Variants in KIAA0232 observed in about 807,000 individuals in gnomAD.
The protein encoded by KIAA0232 is uncharacterized protein KIAA0232.
KIAA0232 carries 27 observed loss-of-function variants against 122.0 expected under a neutral mutation model. The observed-to-expected ratio is 0.22, with a 90% CI of 0.16 to 0.31. The LOEUF (loss-of-function observed/expected upper bound fraction) is 0.31. KIAA0232 is among the 10% of genes least tolerant of loss of function. The pLI, the probability that KIAA0232 is intolerant of heterozygous loss-of-function variation, is 1.00. For synonymous variants in KIAA0232, 613 were observed against 587.6 expected (o/e 1.04, Z -0.63); for missense variants, 1,551 against 1,634.2 (o/e 0.95, Z 0.88).
intron 2 of KIAA0232, among the ~76,000 whole-genome samples, chr4:6,812,500 T>A (rs1717923618): frequency 1.3e-5 from 2 of 152,158 alleles, no homozygotes; most frequent in Non-Finnish European, 2.9e-5. Context: ...AAATAATAAA[T>A]TTAAAGTCCT....
chr4:6,856,787 C>T (rs1026270575), intron 4 of KIAA0232, among the ~76,000 whole-genome samples: 1 of 152,016 alleles, frequency 6.6e-6, no homozygotes, highest in African/African-American at 2.4e-5. Context: ...TAAGATCTCG[C>T]TCACATAAAT....
rs766271910 is a variant in KIAA0232, at chr4:6,862,167, A to G, written c.1785A>G (p.Ser595=). Residue 595 remains serine (S), a synonymous_variant, in exon 7 of 10, where the codon TCA becomes TCG. Transcript: ENST00000307659. ...GNLAQFWECC[S]SSSGDADGES... ...TGGCTCAGTTTTGGGAGTGCTGTTCATCCAGCTCCGGTGATGCTGATGGGG... is the reference window on the plus strand; with the variant it reads ...TGGCTCAGTTTTGGGAGTGCTGTTCGTCCAGCTCCGGTGATGCTGATGGGG... 3.0e-5 allele frequency: 48 copies of G among 1,614,062 alleles called. No individual in the cohort carries two copies. Among genetic ancestry groups the G allele is most frequent in the Admixed American group, 1.7e-5 (1 of 59,998 alleles).
intron 1 of KIAA0232, among the ~76,000 whole-genome samples, chr4:6,793,037 C>T (rs562785720): frequency 2.0e-5 from 3 of 152,176 alleles, no homozygotes; most frequent in South Asian, 2.1e-4. Context: ...TGCACTGGGT[C>T]CCACAAATTA....
chr4:6,866,819 T>G (rs781237169), intron 7 of KIAA0232, among the ~76,000 whole-genome samples: 10 of 152,238 alleles, frequency 6.6e-5, no homozygotes, highest in Non-Finnish European at 1.2e-4. Context: ...AATAAGACTT[T>G]GTCCTTGCCC....
chr4:6,849,760 C>T (rs901865810), intron 4 of KIAA0232, among the ~76,000 whole-genome samples: 8 of 149,744 alleles, frequency 5.3e-5, no homozygotes, highest in African/African-American at 1.7e-4. Context: ...GAGCGAGACT[C>T]GGTCTCCAAA....
chr4:6,797,292 A>G (rs1717171634), intron 1 of KIAA0232, among the ~76,000 whole-genome samples: 1 of 152,170 alleles, frequency 6.6e-6, no homozygotes, highest in Admixed American at 6.5e-5. Context: ...GCATTTTGCC[A>G]TTGGCTAAAG....
chr4:6,875,669 A>G (rs562145512), intron 8 of KIAA0232, among the ~76,000 whole-genome samples: 29 of 152,144 alleles, frequency 1.9e-4, no homozygotes, highest in Admixed American at 1.3e-3. Context: ...CCTTGTGGCA[A>G]CTCTGTGGCA....
chr4:6,851,555 A>C (rs1720285644), intron 4 of KIAA0232, among the ~76,000 whole-genome samples: 1 of 151,864 alleles, frequency 6.6e-6, no homozygotes, highest in Non-Finnish European at 1.5e-5. Flanking sequence ...CTGAAAAAAA[A>C]ACAAAAGAAA....
intron 1 of KIAA0232, among the ~76,000 whole-genome samples, 161 bp downstream of exon 1, chr4:6,783,002 G>C (rs1298020338): frequency 6.6e-6 from 1 of 151,524 alleles, no homozygotes; most frequent in Non-Finnish European, 1.5e-5. Flanking sequence ...AAGGGAGACA[G>C]GGCCGCCGCC....
rs577082785 is a variant in KIAA0232, at chr4:6,860,893, T to C, written c.519-8T>C. The C allele has an allele frequency of 9.9e-6, 16 of 1,608,086 alleles. No homozygotes were observed. Among genetic ancestry groups the C allele is most frequent in the Non-Finnish European group, 1.4e-5 (16 of 1,176,780 alleles). ...CTCGTGTTTTGAAGTCTTTACTCTG[T>C]TTTTCAGGTACTATGAAGCATTTCC... On this transcript the variant is annotated splice_polypyrimidine_tract_variant and splice_region_variant and intron_variant, in intron 6 of 9. Transcript: ENST00000307659.
In KIAA0232 at chr4:6,799,203, C is replaced by T. The variant is rs148897481; in HGVS notation, c.-353-5320C>T. Among the ~76,000 whole-genome samples, 461 of 151,498 alleles carry T rather than the reference C, an allele frequency of 3.0e-3. 3 individuals are homozygous for T. The highest frequency in any genetic ancestry group is 0.011 in the African/African-American group (441 of 41,262). ...ATCTGTCTTCACGTGGGATTCTCCCCTGCATGTCTCTGTGTGAATTTCCCT... is the reference window on the plus strand; with the variant it reads ...ATCTGTCTTCACGTGGGATTCTCCCTTGCATGTCTCTGTGTGAATTTCCCT... On this transcript the variant is annotated intron_variant, in intron 1 of 9. Transcript: ENST00000307659.
intron 6 of KIAA0232, among the ~76,000 whole-genome samples, chr4:6,858,769 C>T (rs1720694597): frequency 6.6e-6 from 1 of 152,120 alleles, no homozygotes; most frequent in African/African-American, 2.4e-5. Flanking sequence ...TATGTATGTA[C>T]TATTACCTTT....
chr4:6,840,262 T>C (rs1411598471), intron 3 of KIAA0232, among the ~76,000 whole-genome samples: 1 of 152,204 alleles, frequency 6.6e-6, no homozygotes, highest in Non-Finnish European at 1.5e-5. Flanking sequence ...CCAGAGGTCA[T>C]GTTCCCCGCA....
intron 6 of KIAA0232, 40 bp downstream of exon 6, chr4:6,858,546 TA>T: frequency 7.7e-7 from 1 of 1,294,414 alleles, no homozygotes; most frequent in South Asian, 1.3e-5. Flanking sequence ...GTGCATTTGT[TA>T]AAATCAGATG....
chr4:6,794,114 A>G (rs928323636), intron 1 of KIAA0232, among the ~76,000 whole-genome samples: 2 of 152,202 alleles, frequency 1.3e-5, no homozygotes, highest in African/African-American at 4.8e-5. Flanking sequence ...ATGTAGGAAG[A>G]GCCTTTTGAC....
At chr4:6,806,277 A>G (rs556551816) in intron 2 of KIAA0232, among the ~76,000 whole-genome samples, 1 of 152,358 alleles carries the variant, frequency 6.6e-6, no homozygotes, top group East Asian at 1.9e-4. Context: ...ACCTGTAAAA[A>G]AAAATTTTTA....
At chr4:6,859,124 CAA>C (rs1285516249) in intron 6 of KIAA0232, among the ~76,000 whole-genome samples, 1 of 103,800 alleles carries the variant, frequency 9.6e-6, no homozygotes, top group Non-Finnish European at 2.0e-5. Flanking sequence ...AAAAAAAAAA[CAA>C]GAAAGAAAAG....
chr4:6,793,765 A>C (rs1717009911), intron 1 of KIAA0232, among the ~76,000 whole-genome samples: 1 of 152,190 alleles, frequency 6.6e-6, no homozygotes, highest in African/African-American at 2.4e-5. Context: ...GCGTTGTGTT[A>C]GGGACCTTAG....
chr4:6,820,545 A>G (rs1420152872), intron 2 of KIAA0232, among the ~76,000 whole-genome samples: 5 of 152,162 alleles, frequency 3.3e-5, no homozygotes, highest in Non-Finnish European at 7.3e-5. Context: ...TCAAATGATA[A>G]ACCATTTTCA....
Sources: allele counts gnomAD v4.1 joint callset (sites outside exome capture counted in the v4.1 genomes callset), GRCh38; gene constraint gnomAD v4.1.1; transcripts MANE v1.5; gene names NCBI Gene and HGNC (gene_info 2026-07-23, HGNC 2026-07-21).